Variants in PLAGL1 observed in about 807,000 individuals in gnomAD.
The protein encoded by PLAGL1 is zinc finger protein PLAGL1.
Under a neutral mutation model 4.6 loss-of-function variants are expected in PLAGL1, and 1 was observed. That is an observed-to-expected ratio of 0.22 (90% CI 0.08 to 1.03). The LOEUF is 1.03. PLAGL1 is among the 50% of genes least tolerant of loss of function. The pLI is 0.58. For missense variants in PLAGL1, 464 were observed against 570.4 expected (o/e 0.81, Z 1.90); for synonymous variants, 240 against 237.8 (o/e 1.01, Z -0.08).
At chr6:144,044,868 T>G (rs1230474374) in intron 1 of PLAGL1, among the ~76,000 whole-genome samples, 1 of 152,214 alleles carries the variant, frequency 6.6e-6, no homozygotes, top group Non-Finnish European at 1.5e-5. Flanking sequence ...ATTGGATGCA[T>G]ATCTATATTT....
chr6:144,001,174 TAAA>T (rs148052722), intron 1 of PLAGL1, among the ~76,000 whole-genome samples: 1 of 140,206 alleles, frequency 7.1e-6, no homozygotes, highest in Non-Finnish European at 1.5e-5. Context: ...AAGGAAATGA[TAAA>T]AAAAAAAAAA....
intron 1 of PLAGL1, among the ~76,000 whole-genome samples, chr6:144,035,992 G>A (rs2128712344): frequency 6.6e-6 from 1 of 152,192 alleles, no homozygotes; most frequent in South Asian, 2.1e-4. Context: ...GGGCATTTCT[G>A]GGTTTTATTG....
chr6:144,026,557 C>T (rs1796355789), intron 1 of PLAGL1, among the ~76,000 whole-genome samples: 1 of 152,250 alleles, frequency 6.6e-6, no homozygotes, highest in East Asian at 1.9e-4. Context: ...GTTCAACTGC[C>T]ACATAAATCT....
rs1781991025 is a variant in PLAGL1 at position 143,955,750 on chromosome 6, A to AGACATGCTG, written c.-325+4710_-325+4718dup. 6.6e-6 allele frequency among the ~76,000 whole-genome samples: 1 copy of AGACATGCTG among 152,146 alleles called. No homozygotes were observed. The highest frequency in any genetic ancestry group is 2.1e-4 in the South Asian group (1 of 4,824). ...ATGGTAACTCTGGCAGGGACGTATA[A>AGACATGCTG]GACATGCTGGAGGGTGGTGGGCTGG... On this transcript the variant is annotated intron_variant, in intron 6 of 7. Coordinates refer to ENST00000674357, the MANE Select transcript of PLAGL1 (RefSeq NM_001317162.2). The surrounding 1 kb of genome is among the most constrained non-coding windows in gnomAD (Gnocchi z 4.9).
In PLAGL1 at chr6:143,982,172, A is replaced by AG; in HGVS notation, c.-544+2962dup. On this transcript the variant is annotated intron_variant, in intron 2 of 7. Coordinates refer to ENST00000674357, the MANE Select transcript of PLAGL1 (RefSeq NM_001317162.2). This position sits in a 1 kb window ranked among gnomAD's most constrained non-coding sequence, Gnocchi z 5.3. ...ATCAGATGGTGATTTTAAAAAAAAA[A>AG]GTAATGAAGAGACAGGAAGTGCTAA... Among the ~76,000 whole-genome samples, 1 of 152,156 alleles carries AG rather than the reference A, an allele frequency of 6.6e-6. No individual in the cohort carries two copies. Among genetic ancestry groups the AG allele is most frequent in the East Asian group, 1.9e-4 (1 of 5,196 alleles).
At position 143,975,815 on chromosome 6, in the gene PLAGL1, A is replaced by G. The variant is rs1335547816; in HGVS notation, c.-543-6837T>C. On this transcript the variant is annotated intron_variant, in intron 2 of 7. Transcript: ENST00000674357. This position sits in a 1 kb window ranked among gnomAD's most constrained non-coding sequence, Gnocchi z 5.8. ...AGCAGCAGTGTGGTTTTTCTGCACA[A>G]TTCAGCTTTACTTCTTGCCACTTAG... 6.6e-6 allele frequency among the ~76,000 whole-genome samples: 1 copy of G among 152,246 alleles called. No individual in the cohort carries two copies.
intron 1 of PLAGL1, among the ~76,000 whole-genome samples, chr6:144,019,933 ACCAGAAAT>A (rs1795851223): frequency 1.3e-5 from 2 of 152,308 alleles, no homozygotes; most frequent in African/African-American, 2.4e-5. Context: ...CCTAATATTG[ACCAGAAAT>A]CCAGCTGAAT....
chr6:144,042,660 C>G (rs1797830517), intron 1 of PLAGL1, among the ~76,000 whole-genome samples: 1 of 152,144 alleles, frequency 6.6e-6, no homozygotes, highest in South Asian at 2.1e-4. Context: ...AATGCAAGCT[C>G]TTTTTTGGTT....
chr6:143,961,503 C>G lies in PLAGL1; in HGVS notation c.-398-961G>C, dbSNP rs1276751103. On this transcript the variant is annotated intron_variant, in intron 5 of 7. Coordinates refer to ENST00000674357, the MANE Select transcript of PLAGL1 (RefSeq NM_001317162.2). This position sits in a 1 kb window ranked among gnomAD's most constrained non-coding sequence, Gnocchi z 6.5. ...CCTTTTAAGTTAAAAATGGAAAAAC[C>G]AAGGCCATTTTGGGACAACTGTTTT... is the stretch of plus-strand genomic sequence containing the variant. 1 of 152,108 alleles carries G rather than the reference C, an allele frequency of 6.6e-6. No homozygotes were observed. The highest frequency in any genetic ancestry group is 2.4e-5 in the African/African-American group (1 of 41,406). The allele number at this position is 152,108 out of a possible 1,614,324, so 9.4% of individuals were successfully genotyped here.
chr6:144,010,336 G>A (rs1489448165), upstream of PLAGL1, among the ~76,000 whole-genome samples: 1 of 152,152 alleles, frequency 6.6e-6, no homozygotes, highest in Non-Finnish European at 1.5e-5. The surrounding 1 kb of genome is among the most constrained non-coding windows in gnomAD (Gnocchi z 4.1). Flanking sequence ...CAACACATGA[G>A]TGAACTCTGA....
chr6:143,954,561 C>T lies in PLAGL1; in HGVS notation c.-325+5908G>A, dbSNP rs768995041. ...TCAGCTAATATAATCCAGAGACTAA[C>T]ATTCATTGACTAAATGGTTAAAATA... On this transcript the variant is annotated intron_variant, in intron 6 of 7. Transcript: ENST00000674357. This position sits in a 1 kb window ranked among gnomAD's most constrained non-coding sequence, Gnocchi z 5.1. Among the ~76,000 whole-genome samples, 1 of 152,162 alleles carries T rather than the reference C, an allele frequency of 6.6e-6. No individual in the cohort carries two copies. The highest frequency in any genetic ancestry group is 1.5e-5 in the Non-Finnish European group (1 of 68,026).
At chr6:144,009,924 G>C (rs1246250842), upstream of PLAGL1, among the ~76,000 whole-genome samples, 1 of 152,152 alleles carries the variant, frequency 6.6e-6, no homozygotes, top group Non-Finnish European at 1.5e-5. Flanking sequence ...ATCACCAATG[G>C]CCATTTGGGT....
In PLAGL1 at chr6:143,983,565, T is replaced by C. The variant is rs1450843325; in HGVS notation, c.-544+1570A>G. 6.6e-6 allele frequency among the ~76,000 whole-genome samples: 1 copy of C among 152,158 alleles called. No individual in the cohort carries two copies. The highest frequency in any genetic ancestry group is 2.4e-5 in the African/African-American group (1 of 41,442). On this transcript the variant is annotated intron_variant, in intron 2 of 7. Transcript: ENST00000674357. The surrounding 1 kb of genome is among the most constrained non-coding windows in gnomAD (Gnocchi z 6.6). ...TTTCTCCAGCTACGTTCAGCTGCAC[T>C]GCTGCAGGCATGGAATCAGCAAACA... is the stretch of plus-strand genomic sequence containing the variant.
At chr6:144,057,661 T>C (rs1328842488) in intron 1 of PLAGL1, among the ~76,000 whole-genome samples, 1 of 152,198 alleles carries the variant, frequency 6.6e-6, no homozygotes, top group Non-Finnish European at 1.5e-5. Flanking sequence ...CATCAGCTCA[T>C]GTCTCTAGCT....
Position 143,968,755 on chromosome 6 carries a change from G to C in PLAGL1, c.-472+152C>G, listed in dbSNP as rs150635961. The stretch of plus-strand genomic sequence containing the variant: ...CCTCAAATGTAAATTCTCTCACAAA[G>C]TCTTTTCTGGGACATAAGCCCCTCT... On this transcript the variant is annotated intron_variant, in intron 3 of 7. Coordinates refer to ENST00000674357, the MANE Select transcript of PLAGL1 (RefSeq NM_001317162.2). The surrounding 1 kb of genome is among the most constrained non-coding windows in gnomAD (Gnocchi z 6.3). 1 of 152,154 alleles carries C rather than the reference G, an allele frequency of 6.6e-6. No homozygotes were observed. The highest frequency in any genetic ancestry group is 1.5e-5 in the Non-Finnish European group (1 of 68,070). 9.4% of individuals were successfully genotyped at this position (152,154 alleles called of 1,614,324 possible).
At position 143,962,382 on chromosome 6, in the gene PLAGL1, A is replaced by G. The variant is rs189438379; in HGVS notation, c.-398-1840T>C. 7.7e-4 allele frequency among the ~76,000 whole-genome samples: 117 copies of G among 152,360 alleles called. No homozygotes were observed. The South Asian group carries it at 8.3e-3, about 11-fold the overall frequency. On this transcript the variant is annotated intron_variant, in intron 5 of 7. Coordinates refer to ENST00000674357, the MANE Select transcript of PLAGL1 (RefSeq NM_001317162.2). This position sits in a 1 kb window ranked among gnomAD's most constrained non-coding sequence, Gnocchi z 5.3. ...GTATGTGGTTAAAAATGACCCTATA[A>G]AATTAAACAATCCTAAAGATAAATG...
rs1798896587 is a variant in PLAGL1 at position 144,055,488 on chromosome 6, T to C, written c.-151+8980A>G. Reference sequence around the variant, plus strand: ...TGCTTTTGTCCCCAAATCTAGCTTCTTGTTGCCCTGGGTGCCTCTATCGTA... The same window carrying C: ...TGCTTTTGTCCCCAAATCTAGCTTCCTGTTGCCCTGGGTGCCTCTATCGTA... On this transcript the variant is annotated intron_variant, in intron 1 of 3. Transcript: ENST00000437412. The surrounding 1 kb of genome is among the most constrained non-coding windows in gnomAD (Gnocchi z 5.0). Among the ~76,000 whole-genome samples the C allele has an allele frequency of 6.6e-6, 1 of 152,194 alleles. No individual in the cohort carries two copies. The highest frequency in any genetic ancestry group is 2.1e-4 in the South Asian group (1 of 4,826).
At chr6:144,002,687 G>A (rs1793165702) in intron 1 of PLAGL1, among the ~76,000 whole-genome samples, 1 of 151,708 alleles carries the variant, frequency 6.6e-6, no homozygotes. Context: ...ACTTACAACA[G>A]CATCAAAAAA....
chr6:143,980,291 T>C (rs1787626935), intron 2 of PLAGL1, among the ~76,000 whole-genome samples: 1 of 152,146 alleles, frequency 6.6e-6, no homozygotes, highest in African/African-American at 2.4e-5. Flanking sequence ...TATCTTTATT[T>C]TCTGTCCTCT....
Sources: gnomAD v4.1 joint callset for allele counts (sites outside exome capture counted in the v4.1 genomes callset) on GRCh38, gnomAD v4.1.1 for gene constraint, Gnocchi (gnomAD v3.1) non-coding constraint, MANE v1.5 for transcripts, NCBI Gene and HGNC (gene_info 2026-07-23, HGNC 2026-07-21) for gene names.